MTUS2: variants seen among roughly 807,000 people sequenced by gnomAD.
The protein encoded by MTUS2 is microtubule-associated tumor suppressor candidate 2.
MTUS2 carries 40 observed loss-of-function variants against 114.1 expected under a neutral mutation model. The observed-to-expected ratio is 0.35, with a 90% CI of 0.27 to 0.46. MTUS2 has a LOEUF of 0.46. MTUS2 is among the 20% of genes least tolerant of loss of function. The probability of loss-of-function intolerance (pLI) is 1.00; values close to 1 mark genes in which losing one functional copy is unlikely to be tolerated. For synonymous variants in MTUS2, 688 were observed against 672.0 expected (o/e 1.02, Z -0.37); for missense variants, 1,679 against 1,705.4 (o/e 0.98, Z 0.27).
intron 8 of MTUS2, among the ~76,000 whole-genome samples, chr13:29,422,458 CA>C (rs1455160814): frequency 6.6e-6 from 1 of 152,124 alleles, no homozygotes; most frequent in Non-Finnish European, 1.5e-5. Context: ...GTTATTGCTC[CA>C]AAACACAGTG....
At chr13:29,246,895 TAAAA>T (rs56102503) in intron 5 of MTUS2, among the ~76,000 whole-genome samples, 6 of 136,774 alleles carry the variant, frequency 4.4e-5, no homozygotes, top group African/African-American at 1.7e-4. Flanking sequence ...TTCACATAAC[TAAAA>T]AAAAAAAAAA....
chr13:29,344,219 A>G (rs1358853148), intron 7 of MTUS2, among the ~76,000 whole-genome samples: 1 of 122,868 alleles, frequency 8.1e-6, no homozygotes, highest in African/African-American at 2.8e-5. Context: ...TTCTGTCTTG[A>G]TGACCTGTCT....
At chr13:29,182,605 A>G (rs188097247) in intron 5 of MTUS2, among the ~76,000 whole-genome samples, 169 of 152,288 alleles carry the variant, frequency 1.1e-3, no homozygotes, top group Non-Finnish European at 1.6e-3. Flanking sequence ...GATACATCAG[A>G]GAGAAGAGAG....
intron 6 of MTUS2, among the ~76,000 whole-genome samples, chr13:29,286,505 C>T (rs1187752263): frequency 1.3e-5 from 2 of 151,988 alleles, no homozygotes; most frequent in Admixed American, 6.6e-5. Flanking sequence ...GAGAGAGTGG[C>T]TGTTTTCATG....
intron 7 of MTUS2, among the ~76,000 whole-genome samples, chr13:29,340,122 G>A (rs1901315775): frequency 6.6e-6 from 1 of 152,226 alleles, no homozygotes; most frequent in African/African-American, 2.4e-5. Context: ...GGCCAGGCCG[G>A]TGCCTCGCGG....
At chr13:29,280,323 G>T (rs1261185449) in intron 5 of MTUS2, among the ~76,000 whole-genome samples, 1 of 152,150 alleles carries the variant, frequency 6.6e-6, no homozygotes, top group Non-Finnish European at 1.5e-5. Flanking sequence ...TTAGTCCTAT[G>T]CAGAACTATT....
chr13:29,000,681 T>C (rs1009757016), intron 2 of MTUS2, among the ~76,000 whole-genome samples: 2 of 152,194 alleles, frequency 1.3e-5, no homozygotes, highest in East Asian at 1.9e-4. Context: ...TGTTTTTCTT[T>C]TAGCGCTTTA....
intron 7 of MTUS2, among the ~76,000 whole-genome samples, chr13:29,347,361 T>A (rs1465166168): frequency 2.6e-5 from 4 of 152,174 alleles, no homozygotes; most frequent in Non-Finnish European, 5.9e-5. Context: ...GGTTTTCATC[T>A]TCATTGAGTT....
intron 7 of MTUS2, among the ~76,000 whole-genome samples, chr13:29,331,097 C>T (rs1389947199): frequency 1.3e-5 from 2 of 152,040 alleles, no homozygotes; most frequent in Admixed American, 6.6e-5. Context: ...TTGTTTGTGT[C>T]CTCTCTTATT....
At chr13:29,108,375 T>C (rs1323318012) in intron 5 of MTUS2, among the ~76,000 whole-genome samples, 1 of 152,222 alleles carries the variant, frequency 6.6e-6, no homozygotes, top group Admixed American at 6.5e-5. Context: ...TTTTGTTTTA[T>C]TTTTAAGGAT....
At chr13:29,232,470 G>A (rs4769702) in intron 5 of MTUS2, among the ~76,000 whole-genome samples, 125,092 of 151,692 alleles carry the variant, frequency 0.82, 51,616 homozygotes, top group East Asian at 0.89. Context: ...ATAGCCATTG[G>A]GGGGGAAGAG....
chr13:29,052,980 G>A (rs763948026), intron 4 of MTUS2, among the ~76,000 whole-genome samples: 54 of 152,190 alleles, frequency 3.5e-4, no homozygotes, highest in Non-Finnish European at 6.0e-4. Flanking sequence ...CTCTCCTGCT[G>A]CTCTGTGAAG....
intron 5 of MTUS2, among the ~76,000 whole-genome samples, chr13:29,103,682 T>C (rs9506107): frequency 0.67 from 101,704 of 151,576 alleles, 34,804 homozygotes; most frequent in Non-Finnish European, 0.74. Context: ...TGTTGTGCTA[T>C]GACATTACGG....
chr13:28,970,203 A>C (rs1439315688), intron 2 of MTUS2, among the ~76,000 whole-genome samples: 1 of 147,840 alleles, frequency 6.8e-6, no homozygotes, highest in Non-Finnish European at 1.5e-5. Context: ...AATTCCAGTA[A>C]TACCATTGTC....
chr13:28,965,166 T>C (rs137997513), intron 2 of MTUS2, among the ~76,000 whole-genome samples: 356 of 152,336 alleles, frequency 2.3e-3, no homozygotes, highest in Admixed American at 3.9e-3. Context: ...CAGTGGCACA[T>C]TTCTTTATAA....
At chr13:28,898,328 G>A (rs1276700112) in intron 2 of MTUS2, among the ~76,000 whole-genome samples, 1 of 152,172 alleles carries the variant, frequency 6.6e-6, no homozygotes, top group African/African-American at 2.4e-5. Context: ...TGAGTAGTAA[G>A]AGATACATGG....
intron 2 of MTUS2, among the ~76,000 whole-genome samples, chr13:28,900,267 TC>T (rs1385275042): frequency 3.9e-5 from 6 of 152,212 alleles, no homozygotes; most frequent in Non-Finnish European, 7.3e-5. Context: ...CTTACCTTGT[TC>T]AGATTCTCCC....
rs901270132 is a variant in MTUS2, at chr13:29,480,228, G to A, written c.3263G>A (p.Arg1088Lys). The A allele has an allele frequency of 1.3e-6, 2 of 1,554,130 alleles. No homozygotes were observed. Among genetic ancestry groups the A allele is most frequent in the Non-Finnish European group, 1.7e-6 (2 of 1,148,268 alleles). The change falls in exon 10 of 16, where the codon AGG becomes AAG. Residue 1088 changes from arginine to lysine, a missense_variant. Transcript: ENST00000612955. The surrounding 1 kb of genome is among the most constrained non-coding windows in gnomAD (Gnocchi z 4.4). ...AGGCGGTTCGAGGACGAGGTGAAGA[G>A]GCTGGGCTGGCAGCAGCAGGCCGAG... Reference protein sequence around the residue: ...LERRFEDEVKRLGWQQQAELQ... With the variant: ...LERRFEDEVKKLGWQQQAELQ...
chr13:29,254,148 G>C (rs1489415412), intron 5 of MTUS2, among the ~76,000 whole-genome samples: 2 of 152,196 alleles, frequency 1.3e-5, no homozygotes, highest in South Asian at 2.1e-4. Flanking sequence ...GAGGATGAGA[G>C]GGTTGGGTTG....
Sources: gnomAD v4.1 joint callset for allele counts (sites outside exome capture counted in the v4.1 genomes callset) on GRCh38, gnomAD v4.1.1 for gene constraint, Gnocchi (gnomAD v3.1) non-coding constraint, MANE v1.5 for transcripts, NCBI Gene and HGNC (gene_info 2026-07-23, HGNC 2026-07-21) for gene names.